Variants in ADAMTSL3 observed in about 807,000 individuals in gnomAD.
The protein encoded by ADAMTSL3 is ADAMTS like 3.
ADAMTSL3 carries 128 observed loss-of-function variants against 201.7 expected under a neutral mutation model. The ratio of observed to expected loss-of-function variants is 0.63; its 90% CI spans 0.55 to 0.73. The LOEUF is 0.73. ADAMTSL3 is among the 30% of genes least tolerant of loss of function. The pLI, the probability that ADAMTSL3 is intolerant of heterozygous loss-of-function variation, is 0.00. For missense variants in ADAMTSL3, 1,990 were observed against 2,119.6 expected, an observed-to-expected ratio of 0.94 and a Z score of 1.20; for synonymous variants, 738 against 748.4, an observed-to-expected ratio of 0.99 and a Z score of 0.23.
intron 20 of ADAMTSL3, among the ~76,000 whole-genome samples, chr15:83,971,544 G>A (rs1017002244): frequency 7.5e-6 from 1 of 133,744 alleles, no homozygotes; most frequent in African/African-American, 2.9e-5. Context: ...GCGACAGAGT[G>A]TGAGACTCTG....
chr15:83,713,470 A>G lies in ADAMTSL3; in HGVS notation c.189+8962A>G, dbSNP rs375555979. 7.2e-5 allele frequency among the ~76,000 whole-genome samples: 11 copies of G among 152,284 alleles called. No homozygotes were observed. The East Asian group carries it at 9.6e-4, about 13-fold the overall frequency. On this transcript the variant is annotated intron_variant, in intron 3 of 29. Coordinates refer to ENST00000286744, the MANE Select transcript of ADAMTSL3 (RefSeq NM_207517.3). ...AGGAAACTGGACTTGCAGGTTTGCT[A>G]TAAGAATGGGGAGTAATGGCAGGTG...
intron 2 of ADAMTSL3, among the ~76,000 whole-genome samples, chr15:83,669,593 G>T (rs2061299494): frequency 1.4e-5 from 2 of 145,948 alleles, no homozygotes; most frequent in Admixed American, 6.9e-5. Flanking sequence ...TCAGCCTCCT[G>T]AGTAGCTGGG....
chr15:83,871,105 A>T, intron 9 of ADAMTSL3, 146 bp downstream of exon 9: 1 of 954,368 alleles, frequency 1.0e-6, no homozygotes, highest in Non-Finnish European at 1.5e-6. Flanking sequence ...TTGGCAGTCC[A>T]TTCTTAAAAA....
Position 83,982,586 on chromosome 15 carries a change from T to C in ADAMTSL3, c.2958T>C (p.Ser986=), listed in dbSNP as rs377472949. 4.3e-6 allele frequency: 7 copies of C among 1,614,090 alleles called. No individual in the cohort carries two copies. The African/African-American group carries it at 8.0e-5, about 18-fold the overall frequency. Residue 986 remains serine, a synonymous_variant, in exon 21 of 30, where the codon TCT becomes TCC. Coordinates refer to ENST00000286744, the MANE Select transcript of ADAMTSL3 (RefSeq NM_207517.3). ...GCGTGTACCGGTGCATTGCAGGCTC[T>C]GCACAGGAAACAGTTGTGCTCAAGC... ...DIGVYRCIAG[S]AQETVVLKLI... is the part of the protein sequence containing the mutation.
In ADAMTSL3 at chr15:83,942,936, A is replaced by G. The variant is rs1197450430; in HGVS notation, c.2344A>G (p.Arg782Gly). Residue 782 changes from arginine to glycine, a missense_variant, in exon 19 of 30, where the codon AGA (arginine) becomes GGA (glycine). Transcript: ENST00000286744. ...SRTCGGGTQN[R>G]RVTCRQLLTD... ...GACTTGTGGCGGGGGAACTCAGAACAGAAGAGTCACCTGTCGGCAGCTGCT... is the reference window on the plus strand; with the variant it reads ...GACTTGTGGCGGGGGAACTCAGAACGGAAGAGTCACCTGTCGGCAGCTGCT... The G allele has an allele frequency of 1.4e-5, 23 of 1,608,596 alleles. No homozygotes were observed. Among genetic ancestry groups the G allele is most frequent in the Non-Finnish European group, 1.7e-5 (20 of 1,177,162 alleles).
At chr15:83,692,685 CAAAAAA>C (rs766382952) in intron 2 of ADAMTSL3, among the ~76,000 whole-genome samples, 3 of 43,314 alleles carry the variant, frequency 6.9e-5, no homozygotes, top group Non-Finnish European at 9.3e-5. Flanking sequence ...GACTCCATCT[CAAAAAA>C]AAAAAAAAAA....
intron 6 of ADAMTSL3, among the ~76,000 whole-genome samples, chr15:83,829,122 T>C (rs1328186038): frequency 6.6e-6 from 1 of 152,352 alleles, no homozygotes; most frequent in African/African-American, 2.4e-5. Context: ...TCCTTGTACC[T>C]CTGGAAGAAT....
intron 9 of ADAMTSL3, among the ~76,000 whole-genome samples, chr15:83,872,957 C>T (rs1326639138): frequency 6.9e-6 from 1 of 145,530 alleles, no homozygotes; most frequent in Non-Finnish European, 1.5e-5. Flanking sequence ...ACAACAGTGA[C>T]TATTTTAGAG....
At chr15:83,708,503 G>A (rs557641109) in intron 3 of ADAMTSL3, among the ~76,000 whole-genome samples, 3 of 152,028 alleles carry the variant, frequency 2.0e-5, no homozygotes, top group Non-Finnish European at 4.4e-5. Context: ...ACGGAGGGCC[G>A]CGGCAGCTTC....
intron 3 of ADAMTSL3, among the ~76,000 whole-genome samples, chr15:83,705,000 T>TG: frequency 7.6e-6 from 1 of 132,290 alleles, no homozygotes; most frequent in South Asian, 2.6e-4. Flanking sequence ...GTGTGTGTGT[T>TG]GAAATCATTT....
At chr15:83,868,208 CTG>C (rs1222911984) in intron 8 of ADAMTSL3, among the ~76,000 whole-genome samples, 1 of 152,156 alleles carries the variant, frequency 6.6e-6, no homozygotes, top group Admixed American at 6.6e-5. Flanking sequence ...AGTGAAACCT[CTG>C]AGAACCGAAG....
intron 19 of ADAMTSL3, among the ~76,000 whole-genome samples, chr15:83,960,837 A>T (rs2066954663): frequency 6.6e-6 from 1 of 152,226 alleles, no homozygotes. Flanking sequence ...TTACTCACAA[A>T]CAGCCAGCTG....
chr15:83,791,530 A>G (rs1198420457), intron 4 of ADAMTSL3, among the ~76,000 whole-genome samples: 3 of 152,208 alleles, frequency 2.0e-5, no homozygotes, highest in Non-Finnish European at 4.4e-5. Context: ...AGATATCCAC[A>G]TGAAGAAGAA....
At position 83,990,596 on chromosome 15, in the gene ADAMTSL3, T is replaced by C. The variant is rs940467457; in HGVS notation, c.3845-490T>C. 2.0e-5 allele frequency among the ~76,000 whole-genome samples: 3 copies of C among 152,132 alleles called. No homozygotes were observed. In the South Asian group the frequency reaches 6.2e-4, roughly 31 times the overall value. On this transcript the variant is annotated intron_variant, in intron 22 of 29. Transcript: ENST00000286744. ...ATCAGGACCTTCTGTCCTGTCTTCA[T>C]CAACCCCCTCCCCCAGTATCTCACA...
rs138657809 is a variant in ADAMTSL3, at chr15:83,751,380, G to T, written c.190-22143G>T. On this transcript the variant is annotated intron_variant, in intron 3 of 29. Coordinates refer to ENST00000286744, the MANE Select transcript of ADAMTSL3 (RefSeq NM_207517.3). ...GTTAGAAGCAGAGCCCAAATTAATA[G>T]TGACCTGGAAATTAAGTCTCAAATG... is the stretch of plus-strand genomic sequence containing the variant. Among the ~76,000 whole-genome samples the T allele has an allele frequency of 5.7e-3, 872 of 152,294 alleles. 3 individuals are homozygous for T. The highest frequency in any genetic ancestry group is 8.0e-3 in the Admixed American group (122 of 15,302).
chr15:83,708,285 GGT>G (rs1389288817), intron 3 of ADAMTSL3, among the ~76,000 whole-genome samples: 2 of 152,306 alleles, frequency 1.3e-5, no homozygotes, highest in East Asian at 3.9e-4. Flanking sequence ...GCAAATGGAT[GGT>G]GTGTAGATAT....
chr15:83,945,579 C>G (rs1412282398), intron 19 of ADAMTSL3, among the ~76,000 whole-genome samples: 7 of 152,110 alleles, frequency 4.6e-5, no homozygotes, highest in Non-Finnish European at 8.8e-5. Flanking sequence ...TTCCATCACC[C>G]AGCTAAGCCC....
At chr15:83,817,457 A>T (rs937750512) in intron 5 of ADAMTSL3, among the ~76,000 whole-genome samples, 36 of 152,198 alleles carry the variant, frequency 2.4e-4, no homozygotes, top group African/African-American at 8.0e-4. Context: ...GAGTGGGAAA[A>T]CATTTCTAAG....
In ADAMTSL3 at chr15:83,720,371, T is replaced by C. The variant is rs1249859922; in HGVS notation, c.189+15863T>C. On this transcript the variant is annotated intron_variant, in intron 3 of 29. Coordinates refer to ENST00000286744, the MANE Select transcript of ADAMTSL3 (RefSeq NM_207517.3). ...AAAGCATTTTACAATTAAACATTTC[T>C]TCCATAGATATTTCTTAAATGTTTG... 3.9e-5 allele frequency among the ~76,000 whole-genome samples: 6 copies of C among 152,222 alleles called. No individual in the cohort carries two copies. The East Asian group carries it at 9.6e-4, about 24-fold the overall frequency.
Sources: gnomAD v4.1 joint callset for allele counts (sites outside exome capture counted in the v4.1 genomes callset) on GRCh38, gnomAD v4.1.1 for gene constraint, MANE v1.5 for transcripts, NCBI Gene and HGNC (gene_info 2026-07-23, HGNC 2026-07-21) for gene names.